Variants in DCC observed in about 807,000 individuals in gnomAD.
The protein encoded by DCC is netrin receptor DCC.
Under a neutral mutation model 172.5 loss-of-function variants are expected in DCC, and 58 were observed. The ratio of observed to expected loss-of-function variants is 0.34; its 90% CI spans 0.27 to 0.42. The LOEUF (loss-of-function observed/expected upper bound fraction) is 0.42, where lower values mean the gene tolerates loss of function less well. Among genes scored for constraint, DCC ranks in the 10% least tolerant of loss-of-function variants. The probability of loss-of-function intolerance (pLI) is 1.00; values close to 1 mark genes in which losing one functional copy is unlikely to be tolerated. For missense variants in DCC, 1,740 were observed against 1,791.0 expected (o/e 0.97, Z 0.51); for synonymous variants, 709 against 644.5 (o/e 1.10, Z -1.52).
At chr18:52,605,322 T>C (rs1192858733) in intron 1 of DCC, among the ~76,000 whole-genome samples, 1 of 152,126 alleles carries the variant, frequency 6.6e-6, no homozygotes, top group East Asian at 1.9e-4. Flanking sequence ...GAAGTTATTC[T>C]CTTACTGTTA....
intron 1 of DCC, among the ~76,000 whole-genome samples, chr18:52,443,667 G>A (rs985941292): frequency 1.3e-5 from 2 of 152,336 alleles, no homozygotes; most frequent in South Asian, 4.1e-4. Context: ...AGAGGGCAGA[G>A]AGGATGGAGA....
At chr18:52,881,349 A>C (rs759527969) in intron 2 of DCC, among the ~76,000 whole-genome samples, 2 of 151,874 alleles carry the variant, frequency 1.3e-5, no homozygotes, top group African/African-American at 2.4e-5. Context: ...AAGCTGTATA[A>C]CTTGATGTGA....
chr18:52,501,355 G>A (rs1438881938), intron 1 of DCC, among the ~76,000 whole-genome samples: 1 of 152,118 alleles, frequency 6.6e-6, no homozygotes, highest in African/African-American at 2.4e-5. Flanking sequence ...CAATACAGTC[G>A]CTTTCTCCTT....
chr18:53,453,161 C>T (rs570148450), intron 23 of DCC, among the ~76,000 whole-genome samples: 33 of 152,186 alleles, frequency 2.2e-4, no homozygotes, highest in African/African-American at 3.1e-4. Flanking sequence ...ATGATCTGCC[C>T]GCCTCAGCCT....
chr18:53,431,224 T>A (rs1195892792), intron 21 of DCC, among the ~76,000 whole-genome samples: 1 of 151,850 alleles, frequency 6.6e-6, no homozygotes, highest in East Asian at 1.9e-4. Flanking sequence ...GGTTCCAAAA[T>A]CTAAGGTAAA....
At chr18:52,362,310 C>G (rs1248953787) in intron 1 of DCC, among the ~76,000 whole-genome samples, 2 of 152,194 alleles carry the variant, frequency 1.3e-5, no homozygotes, top group Admixed American at 6.5e-5. Flanking sequence ...TTATGTCCCC[C>G]ACTTGGAGCT....
At chr18:52,497,061 C>A (rs1019043238) in intron 1 of DCC, among the ~76,000 whole-genome samples, 40 of 151,136 alleles carry the variant, frequency 2.6e-4, no homozygotes, top group Non-Finnish European at 5.5e-4. Flanking sequence ...CAAGACCAGC[C>A]TGGACAACAT....
intron 2 of DCC, among the ~76,000 whole-genome samples, chr18:52,766,061 C>A (rs188331345): frequency 1.3e-3 from 203 of 152,260 alleles, no homozygotes; most frequent in African/African-American, 4.6e-3. Context: ...AGGGAGCGTA[C>A]AAGTGAACAA....
chr18:53,529,030 TCTCTCTCTCA>T lies in DCC; in HGVS notation c.4255-1532_4255-1523del, dbSNP rs1393786076. Among the ~76,000 whole-genome samples the T allele has an allele frequency of 1.2e-3, 80 of 65,490 alleles. No individual in the cohort carries two copies. In the South Asian group the frequency reaches 0.015, roughly 12 times the overall value. 43.0% of individuals were successfully genotyped at this position (65,490 alleles called of 152,430 possible). A position where few individuals can be genotyped will look rare whatever the true frequency, so the allele number is the denominator to read the frequency against. ...CTCTCTCTCTCTCTCTCTCTCTCTC[TCTCTCTCTCA>T]CACACACACACACACACACACACAC... On this transcript the variant is annotated intron_variant, in intron 28 of 28. Coordinates refer to ENST00000442544, the MANE Select transcript of DCC (RefSeq NM_005215.4).
chr18:53,199,675 G>A (rs1040876686), intron 9 of DCC, among the ~76,000 whole-genome samples: 3 of 151,750 alleles, frequency 2.0e-5, no homozygotes, highest in Non-Finnish European at 4.4e-5. Context: ...TTGAATTTCT[G>A]GCATTTTTGT....
intron 1 of DCC, among the ~76,000 whole-genome samples, chr18:52,645,950 T>C (rs2035009965): frequency 6.6e-6 from 1 of 152,216 alleles, no homozygotes; most frequent in African/African-American, 2.4e-5. Context: ...GTGCTTACAA[T>C]TTTGGAATTA....
chr18:52,996,938 A>G (rs1374922173), intron 5 of DCC, among the ~76,000 whole-genome samples: 1 of 152,072 alleles, frequency 6.6e-6, no homozygotes, highest in Non-Finnish European at 1.5e-5. Context: ...AAAGACACAC[A>G]GCAATCAAGT....
At chr18:52,417,894 G>A (rs1375568493) in intron 1 of DCC, among the ~76,000 whole-genome samples, 3 of 152,216 alleles carry the variant, frequency 2.0e-5, no homozygotes, top group Non-Finnish European at 4.4e-5. Context: ...TCTCCGTCCA[G>A]CTTTGTTCCG....
At chr18:52,371,299 A>G (rs986424139) in intron 1 of DCC, among the ~76,000 whole-genome samples, 3 of 152,244 alleles carry the variant, frequency 2.0e-5, no homozygotes, top group Non-Finnish European at 4.4e-5. Context: ...AGTGGATACA[A>G]TCTGGGAAAT....
chr18:53,263,863 T>C (rs1262708708), intron 12 of DCC, among the ~76,000 whole-genome samples: 1 of 152,022 alleles, frequency 6.6e-6, no homozygotes, highest in African/African-American at 2.4e-5. Context: ...ACTGATATTA[T>C]ATCCTTCTCA....
At chr18:53,120,737 A>G (rs985637188) in intron 7 of DCC, among the ~76,000 whole-genome samples, 8 of 151,950 alleles carry the variant, frequency 5.3e-5, no homozygotes, top group East Asian at 1.9e-4. Flanking sequence ...ACATCTGTAC[A>G]TGTTAAAATT....
chr18:52,819,321 A>G (rs1050564024), intron 2 of DCC, among the ~76,000 whole-genome samples: 1 of 152,232 alleles, frequency 6.6e-6, no homozygotes, highest in Non-Finnish European at 1.5e-5. Context: ...AAAAAAATAA[A>G]TTAATAATTT....
intron 1 of DCC, among the ~76,000 whole-genome samples, chr18:52,684,975 G>A (rs1175226855): frequency 1.3e-5 from 2 of 152,126 alleles, no homozygotes; most frequent in East Asian, 1.9e-4. Context: ...ATAGGTAGAT[G>A]TGTGCTTCCA....
At chr18:53,439,729 T>A (rs533207670) in intron 22 of DCC, among the ~76,000 whole-genome samples, 1 of 151,914 alleles carries the variant, frequency 6.6e-6, no homozygotes, top group Non-Finnish European at 1.5e-5. Context: ...TGATGGCAGG[T>A]AGAATCAAAG....
Sources: allele counts gnomAD v4.1 joint callset (sites outside exome capture counted in the v4.1 genomes callset), GRCh38; gene constraint gnomAD v4.1.1; transcripts MANE v1.5; gene names NCBI Gene and HGNC (gene_info 2026-07-23, HGNC 2026-07-21).